The following GRIN2B variants were observed in gnomAD, a reference collection of about 807,000 sequenced individuals.
The protein encoded by GRIN2B is glutamate ionotropic receptor NMDA type subunit 2B, also known as glutamate receptor ionotropic, NMDA 2B.
Under a neutral mutation model 114.5 loss-of-function variants are expected in GRIN2B, and 5 were observed. That is an observed-to-expected ratio of 0.04 (90% CI 0.02 to 0.09). GRIN2B has a LOEUF of 0.09. Ranked by LOEUF, GRIN2B falls within the 10% of genes least tolerant of loss-of-function variation. The pLI is 1.00. For missense variants in GRIN2B, 1,108 were observed against 1,943.5 expected, an observed-to-expected ratio of 0.57 and a Z score of 8.08; for synonymous variants, 787 against 745.1, an observed-to-expected ratio of 1.06 and a Z score of -0.92.
At chr12:13,750,104 C>T (rs1221222840) in intron 4 of GRIN2B, among the ~76,000 whole-genome samples, 4 of 152,108 alleles carry the variant, frequency 2.6e-5, no homozygotes, top group Non-Finnish European at 4.4e-5. Flanking sequence ...CTTCTTAAGC[C>T]GTACATTTGG....
chr12:13,975,679 T>C (rs1863007436), intron 2 of GRIN2B, among the ~76,000 whole-genome samples: 2 of 152,222 alleles, frequency 1.3e-5, no homozygotes, highest in African/African-American at 4.8e-5. Context: ...TTTCTGATAA[T>C]CTATTATGTG....
Position 13,578,723 on chromosome 12 carries a change from A to T in GRIN2B, c.2011-6759T>A, listed in dbSNP as rs537996990. On this transcript the variant is annotated intron_variant, in intron 10 of 13. Coordinates refer to ENST00000609686, the MANE Select transcript of GRIN2B (RefSeq NM_000834.5). ...GGTGACGGAAACACAGATAATTTCA[A>T]ATAGTGAAAAAGAAGTGCTAGGAAG... Among the ~76,000 whole-genome samples, 11 of 152,342 alleles carry T rather than the reference A, an allele frequency of 7.2e-5. No individual in the cohort carries two copies. In the South Asian group the frequency reaches 2.3e-3, roughly 32 times the overall value.
At chr12:13,720,847 G>A (rs1478963057) in intron 4 of GRIN2B, among the ~76,000 whole-genome samples, 1 of 152,008 alleles carries the variant, frequency 6.6e-6, no homozygotes, top group Non-Finnish European at 1.5e-5. Context: ...AACATATACT[G>A]CCTACTATAT....
chr12:13,959,892 T>C (rs1271514787), intron 2 of GRIN2B, among the ~76,000 whole-genome samples: 1 of 151,476 alleles, frequency 6.6e-6, no homozygotes, highest in East Asian at 1.9e-4. Context: ...TGCAGAATGA[T>C]CAAAACCAGT....
intron 2 of GRIN2B, among the ~76,000 whole-genome samples, chr12:13,922,894 T>C (rs1467876327): frequency 6.6e-6 from 1 of 152,220 alleles, no homozygotes; most frequent in East Asian, 1.9e-4. Context: ...AAGGATGCTC[T>C]CTTCCTGGAA....
intron 2 of GRIN2B, among the ~76,000 whole-genome samples, chr12:13,932,986 T>TGTGC (rs61241187): frequency 0.019 from 2,747 of 148,344 alleles, 52 homozygotes; most frequent in African/African-American, 0.051. Flanking sequence ...TGTGTGTGTG[T>TGTGC]GCGTGTGCGT....
intron 3 of GRIN2B, among the ~76,000 whole-genome samples, chr12:13,771,972 C>T (rs1369664445): frequency 6.6e-6 from 1 of 152,240 alleles, no homozygotes; most frequent in African/African-American, 2.4e-5. Context: ...GGTGTGGGTC[C>T]CACTGATTTT....
chr12:13,676,961 A>G (rs1950080513), intron 4 of GRIN2B, among the ~76,000 whole-genome samples: 1 of 152,108 alleles, frequency 6.6e-6, no homozygotes, highest in Non-Finnish European at 1.5e-5. Context: ...GACCAATGAA[A>G]CTGTCTTCCT....
chr12:13,764,574 C>T (rs1047497731), intron 3 of GRIN2B, among the ~76,000 whole-genome samples: 9 of 152,162 alleles, frequency 5.9e-5, no homozygotes, highest in Non-Finnish European at 1.2e-4. Context: ...GCAGAAATCA[C>T]TCATGGAAGG....
At chr12:13,576,549 TTTTC>T (rs1948780138) in intron 10 of GRIN2B, among the ~76,000 whole-genome samples, 1 of 145,090 alleles carries the variant, frequency 6.9e-6, no homozygotes, top group Non-Finnish European at 1.5e-5. Context: ...CTTTTTTCTT[TTTTC>T]TTTTTTTTTT....
chr12:13,885,196 C>G (rs184821242), intron 2 of GRIN2B, among the ~76,000 whole-genome samples: 41 of 152,152 alleles, frequency 2.7e-4, no homozygotes, highest in African/African-American at 9.4e-4. Flanking sequence ...TGGTGGGAAA[C>G]AATGTAGAAA....
At chr12:13,886,122 C>T (rs1165527655) in intron 2 of GRIN2B, among the ~76,000 whole-genome samples, 2 of 152,178 alleles carry the variant, frequency 1.3e-5, no homozygotes, top group Non-Finnish European at 2.9e-5. Context: ...TCCAAATATG[C>T]TCATAACTAG....
intron 5 of GRIN2B, among the ~76,000 whole-genome samples, chr12:13,642,631 A>C (rs145244068): frequency 6.6e-6 from 1 of 152,326 alleles, no homozygotes; most frequent in African/African-American, 2.4e-5. Context: ...CTAGCTTTGC[A>C]TATTGCCTAG....
chr12:13,978,509 G>C (rs1863070391), intron 2 of GRIN2B, among the ~76,000 whole-genome samples: 1 of 152,196 alleles, frequency 6.6e-6, no homozygotes, highest in South Asian at 2.1e-4. Context: ...CTACTGTCAT[G>C]TTGAGCGACA....
At chr12:13,701,903 T>C (rs1372813048) in intron 4 of GRIN2B, among the ~76,000 whole-genome samples, 16 of 152,230 alleles carry the variant, frequency 1.1e-4, no homozygotes, top group Admixed American at 1.0e-3. Context: ...AGAAGAATCC[T>C]TGAAGGCCTG....
chr12:13,701,503 T>G (rs1414709141), intron 4 of GRIN2B, among the ~76,000 whole-genome samples: 2 of 125,202 alleles, frequency 1.6e-5, no homozygotes, highest in Admixed American at 9.3e-5. Flanking sequence ...GCACTAGGGA[T>G]TCAGTGGCAC....
intron 3 of GRIN2B, among the ~76,000 whole-genome samples, chr12:13,799,077 A>G (rs947963792): frequency 1.2e-4 from 19 of 152,190 alleles, no homozygotes; most frequent in African/African-American, 4.3e-4. Flanking sequence ...CTTCACGAAC[A>G]ATTTCACTGC....
At chr12:13,646,064 C>T (rs1156456882) in intron 5 of GRIN2B, among the ~76,000 whole-genome samples, 1 of 152,094 alleles carries the variant, frequency 6.6e-6, no homozygotes, top group Non-Finnish European at 1.5e-5. Flanking sequence ...AGACAGTGTT[C>T]ACTGGTAAGT....
chr12:13,593,134 T>C (rs1168236421), intron 10 of GRIN2B, among the ~76,000 whole-genome samples: 1 of 152,212 alleles, frequency 6.6e-6, no homozygotes, highest in African/African-American at 2.4e-5. Flanking sequence ...AAGTAATTTA[T>C]ACATTCAGTG....
Sources: allele counts gnomAD v4.1 joint callset (sites outside exome capture counted in the v4.1 genomes callset), GRCh38; gene constraint gnomAD v4.1.1; transcripts MANE v1.5; gene names NCBI Gene and HGNC (gene_info 2026-07-23, HGNC 2026-07-21).